The following IQSEC1 variants were observed in gnomAD, a reference collection of about 807,000 sequenced individuals.
IQSEC1 encodes IQ motif and SEC7 domain-containing protein 1.
A neutral mutation model predicts 91.0 loss-of-function variants in IQSEC1; 31 were observed. The ratio of observed to expected loss-of-function variants is 0.34; its 90% CI spans 0.26 to 0.46. The LOEUF (loss-of-function observed/expected upper bound fraction) is 0.46, where lower values mean the gene tolerates loss of function less well. IQSEC1 is among the 20% of genes least tolerant of loss of function. The pLI is 1.00. For synonymous variants in IQSEC1, 699 were observed against 662.6 expected, an observed-to-expected ratio of 1.05 and a Z score of -0.84; for missense variants, 1,388 against 1,575.6, an observed-to-expected ratio of 0.88 and a Z score of 2.02.
At chr3:13,050,753 A>G (rs1704662176) in intron 1 of IQSEC1, among the ~76,000 whole-genome samples, 1 of 152,256 alleles carries the variant, frequency 6.6e-6, no homozygotes, top group South Asian at 2.1e-4. Flanking sequence ...AAACAGTGCC[A>G]AGAACAGAGT....
At chr3:13,082,369 G>T (rs2125129656) in intron 2 of IQSEC1, among the ~76,000 whole-genome samples, 1 of 152,344 alleles carries the variant, frequency 6.6e-6, no homozygotes, top group Middle Eastern at 3.4e-3. Flanking sequence ...AGCTTCTTCT[G>T]CAGTTCCCTC....
At chr3:13,155,377 AGAT>A (rs1310787837) in intron 2 of IQSEC1, among the ~76,000 whole-genome samples, 1 of 152,238 alleles carries the variant, frequency 6.6e-6, no homozygotes, top group Admixed American at 6.5e-5. Flanking sequence ...CATATAACCT[AGAT>A]GATTCAAATT....
chr3:13,265,482 G>A (rs533581085), intron 1 of IQSEC1, among the ~76,000 whole-genome samples: 1 of 152,318 alleles, frequency 6.6e-6, no homozygotes, highest in East Asian at 1.9e-4. Context: ...CTTAGGGTCA[G>A]GATCAACAAA....
At chr3:13,236,112 T>A (rs1694924126) in intron 1 of IQSEC1, among the ~76,000 whole-genome samples, 1 of 151,974 alleles carries the variant, frequency 6.6e-6, no homozygotes. Context: ...CCTTTACTCA[T>A]CTCTGTTCCC....
intron 1 of IQSEC1, among the ~76,000 whole-genome samples, chr3:12,958,422 AG>A (rs1424247392): frequency 6.6e-6 from 1 of 152,146 alleles, no homozygotes; most frequent in Non-Finnish European, 1.5e-5. Flanking sequence ...TCTGTTTCTC[AG>A]TCATAAAATG....
intron 2 of IQSEC1, among the ~76,000 whole-genome samples, chr3:13,129,656 T>TTTTTC (rs1491435023): frequency 0.035 from 1,385 of 39,836 alleles, 31 homozygotes; most frequent in African/African-American, 0.18. Flanking sequence ...ATCTTATGAA[T>TTTTTC]TTTTTTTTTT....
chr3:12,929,567 C>A (rs758363377), intron 3 of IQSEC1, among the ~76,000 whole-genome samples: 1 of 152,228 alleles, frequency 6.6e-6, no homozygotes, highest in African/African-American at 2.4e-5. Flanking sequence ...TTATAATCCA[C>A]GCTTCTGCCC....
chr3:13,051,211 C>T (rs1201596910), intron 1 of IQSEC1, among the ~76,000 whole-genome samples: 1 of 152,200 alleles, frequency 6.6e-6, no homozygotes, highest in East Asian at 1.9e-4. Flanking sequence ...TCACCTCTGG[C>T]TCAGAGACAA....
At chr3:13,019,145 C>T (rs1364292843) in intron 1 of IQSEC1, among the ~76,000 whole-genome samples, 1 of 152,254 alleles carries the variant, frequency 6.6e-6, no homozygotes, top group Non-Finnish European at 1.5e-5. Flanking sequence ...CATCTCACAA[C>T]CTACCGTTGT....
In IQSEC1 at chr3:13,044,491, T is replaced by C. The variant is rs139993543; in HGVS notation, c.23+28501A>G. 1.3e-3 allele frequency among the ~76,000 whole-genome samples: 197 copies of C among 152,166 alleles called. 1 individual carries two copies. Among genetic ancestry groups the C allele is most frequent in the African/African-American group, 4.3e-3 (180 of 41,498 alleles). On this transcript the variant is annotated intron_variant, in intron 1 of 13. Transcript: ENST00000613206. ...TGGGTCCAAGCCTCTTATAATACAG[T>C]CGGGGAGTGCGAGGCCAGAGGTAAA...
chr3:13,252,825 C>T lies in IQSEC1; in HGVS notation c.272+29886G>A, dbSNP rs149384248. ...TCAGCTCACTGCCAGCTCCGCTTCC[C>T]GGGTTCACGCCATTCTCCTGCCTCA... On this transcript the variant is annotated intron_variant, in intron 1 of 15. Transcript: ENST00000648114. Among the ~76,000 whole-genome samples, 1,088 of 152,242 alleles carry T rather than the reference C, an allele frequency of 7.1e-3. 17 individuals carry two copies. The highest frequency in any genetic ancestry group is 0.025 in the African/African-American group (1,019 of 41,516).
rs1367258246 is a variant in IQSEC1 at position 12,935,947 on chromosome 3, G to A, written c.1069C>T (p.Arg357Trp). ...AGCGGCAGATGCTCCACCCGCAGCC[G>A]CTGCTCCTGCCGCTCCAGCGACGGC... is the stretch of plus-strand genomic sequence containing the variant. Reference protein sequence around the residue: ...STPSLERQEQRLRVEHLPLLT... With the variant: ...STPSLERQEQWLRVEHLPLLT... Residue 357 changes from arginine to tryptophan, a missense_variant, in exon 3 of 14, where the codon CGG becomes TGG. Arg to Trp is a moderately radical substitution (Grantham distance 101, BLOSUM62 -3). This residue lies in a region of IQSEC1 where 1,059 missense variants were observed against 1,317.8 expected (regional missense o/e 0.80). Transcript: ENST00000613206. The surrounding 1 kb of genome is among the most constrained non-coding windows in gnomAD (Gnocchi z 8.0). 3 of 1,598,176 alleles carry A rather than the reference G, an allele frequency of 1.9e-6. No individual in the cohort carries two copies. Among genetic ancestry groups the A allele is most frequent in the Non-Finnish European group, 2.5e-6 (3 of 1,179,342 alleles).
intron 1 of IQSEC1, among the ~76,000 whole-genome samples, chr3:12,951,293 C>G (rs568198839): frequency 6.6e-6 from 1 of 152,162 alleles, no homozygotes; most frequent in East Asian, 1.9e-4. Flanking sequence ...TGTGGTGGCG[C>G]AAGCATGTAA....
chr3:12,903,913 CACAG>C (rs899924967), intron 12 of IQSEC1, among the ~76,000 whole-genome samples: 5 of 152,248 alleles, frequency 3.3e-5, no homozygotes, highest in African/African-American at 4.8e-5. Flanking sequence ...GCCCAATTCT[CACAG>C]GCAGCAGGGT....
chr3:12,903,800 T>C (rs897840353), intron 12 of IQSEC1, among the ~76,000 whole-genome samples: 44 of 152,166 alleles, frequency 2.9e-4, no homozygotes, highest in Admixed American at 3.3e-4. Flanking sequence ...CTTGACACTC[T>C]AGAAGCTTCC....
At chr3:13,007,218 G>A (rs1164816478) in intron 1 of IQSEC1, among the ~76,000 whole-genome samples, 1 of 152,226 alleles carries the variant, frequency 6.6e-6, no homozygotes, top group Non-Finnish European at 1.5e-5. Flanking sequence ...CTTAGGGTCG[G>A]GGGACAGAAC....
chr3:12,897,218 C>T lies in IQSEC1; in HGVS notation c.*3765G>A, dbSNP rs567912011. 7.9e-5 allele frequency: 12 copies of T among 152,302 alleles called. No homozygotes were observed. Among genetic ancestry groups the T allele is most frequent in the Admixed American group, 2.0e-4 (3 of 15,296 alleles). The allele number at this position is 152,302 out of a possible 1,614,324, so 9.4% of individuals were successfully genotyped here. On this transcript the variant is annotated 3_prime_UTR_variant, in exon 14 of 14. Coordinates refer to ENST00000613206, the MANE Select transcript of IQSEC1 (RefSeq NM_001134382.3). Reference sequence around the variant, plus strand: ...GGACTTTTCAGAAAAAGTGAGAATCCGAGAGTTTCAAAGGATTTATTTGAT... The same window carrying T: ...GGACTTTTCAGAAAAAGTGAGAATCTGAGAGTTTCAAAGGATTTATTTGAT...
intron 1 of IQSEC1, among the ~76,000 whole-genome samples, chr3:13,264,818 C>G (rs146741708): frequency 2.0e-5 from 3 of 151,738 alleles, no homozygotes; most frequent in Non-Finnish European, 4.4e-5. Context: ...TCACTCTATC[C>G]CTCTGGTTCT....
chr3:13,030,201 G>A (rs931826668), intron 1 of IQSEC1, among the ~76,000 whole-genome samples: 3 of 152,182 alleles, frequency 2.0e-5, no homozygotes, highest in African/African-American at 7.2e-5. Context: ...AGGTTCAAGC[G>A]ATTCTCATGC....
Sources: gnomAD v4.1 joint callset for allele counts (sites outside exome capture counted in the v4.1 genomes callset) on GRCh38, gnomAD v4.1.1 for gene constraint, gnomAD v4.1.1 regional missense constraint, Gnocchi (gnomAD v3.1) non-coding constraint, MANE v1.5 for transcripts, NCBI Gene and HGNC (gene_info 2026-07-23, HGNC 2026-07-21) for gene names.